PTPRN2: variants seen among roughly 807,000 people sequenced by gnomAD.
PTPRN2 encodes the protein protein tyrosine phosphatase receptor type N2.
PTPRN2 carries 74 observed loss-of-function variants against 118.8 expected under a neutral mutation model. The observed-to-expected ratio is 0.62, with a 90% CI of 0.52 to 0.76. The LOEUF (loss-of-function observed/expected upper bound fraction) is 0.76. Among genes scored for constraint, PTPRN2 ranks in the 30% least tolerant of loss-of-function variants. The pLI is 0.00. For missense variants in PTPRN2, 1,481 were observed against 1,394.4 expected (o/e 1.06, Z -0.99); for synonymous variants, 641 against 608.0 (o/e 1.05, Z -0.80).
At chr7:158,075,832 T>A (rs112057465) in intron 11 of PTPRN2, among the ~76,000 whole-genome samples, 1 of 152,182 alleles carries the variant, frequency 6.6e-6, no homozygotes, top group African/African-American at 2.4e-5. Context: ...CAGCCACAGC[T>A]GGAGCCCAGG....
chr7:157,669,687 C>A, intron 13 of PTPRN2: 1 of 371,310 alleles, frequency 2.7e-6, no homozygotes. Flanking sequence ...AAGATATAGA[C>A]ATGTTTCATG....
At chr7:158,382,869 G>A (rs1485557607) in intron 2 of PTPRN2, among the ~76,000 whole-genome samples, 1 of 152,134 alleles carries the variant, frequency 6.6e-6, no homozygotes, top group Non-Finnish European at 1.5e-5. Context: ...CCCTATCAGT[G>A]GGCTTTAGAG....
intron 3 of PTPRN2, among the ~76,000 whole-genome samples, chr7:158,232,044 C>T (rs904702527): frequency 1.3e-4 from 20 of 152,144 alleles, no homozygotes; most frequent in African/African-American, 4.1e-4. Flanking sequence ...CCTAACCATG[C>T]ACCTCAAGGA....
intron 12 of PTPRN2, among the ~76,000 whole-genome samples, chr7:157,789,471 G>A (rs542312964): frequency 1.4e-4 from 22 of 152,310 alleles, no homozygotes; most frequent in African/African-American, 4.1e-4. Context: ...CAGGAGGCTC[G>A]TGGGAGGCCT....
At chr7:157,613,793 G>C (rs10260609) in intron 15 of PTPRN2, among the ~76,000 whole-genome samples, 4,126 of 152,266 alleles carry the variant, frequency 0.027, 190 homozygotes, top group African/African-American at 0.094. Context: ...CGTAGTCCTC[G>C]AGTCTCGGAG....
At chr7:157,802,751 A>T (rs1393238215) in intron 12 of PTPRN2, among the ~76,000 whole-genome samples, 1 of 152,228 alleles carries the variant, frequency 6.6e-6, no homozygotes, top group African/African-American at 2.4e-5. Flanking sequence ...TTTTGGTCAC[A>T]GCCTCCTGAT....
chr7:158,312,619 G>A (rs1301474383), intron 3 of PTPRN2, among the ~76,000 whole-genome samples: 2 of 150,644 alleles, frequency 1.3e-5, no homozygotes, highest in Admixed American at 6.6e-5. Context: ...AACTCAGGAA[G>A]ACACCAGGAT....
At chr7:158,361,699 G>C (rs1390038365) in intron 2 of PTPRN2, among the ~76,000 whole-genome samples, 1 of 152,254 alleles carries the variant, frequency 6.6e-6, no homozygotes, top group East Asian at 1.9e-4. Context: ...GGACCCTCCT[G>C]GGGGATCCTA....
chr7:157,748,638 C>G (rs1156502212), intron 12 of PTPRN2, among the ~76,000 whole-genome samples: 2 of 147,760 alleles, frequency 1.4e-5, no homozygotes, highest in African/African-American at 5.1e-5. Context: ...GATTCTGATG[C>G]CTGCGTCCCT....
At chr7:158,414,966 G>C (rs1032951391) in intron 2 of PTPRN2, among the ~76,000 whole-genome samples, 1 of 151,762 alleles carries the variant, frequency 6.6e-6, no homozygotes, top group African/African-American at 2.4e-5. Flanking sequence ...AATACAACCA[G>C]CTACTTTCCT....
chr7:158,243,464 G>C (rs1393549563), intron 3 of PTPRN2, among the ~76,000 whole-genome samples: 2 of 152,198 alleles, frequency 1.3e-5, no homozygotes, highest in African/African-American at 4.8e-5. Flanking sequence ...AGATCTGTCT[G>C]GTTTCATGAG....
Position 157,654,637 on chromosome 7 carries a change from G to A in PTPRN2, c.2196+1720C>T, listed in dbSNP as rs553440365. Among the ~76,000 whole-genome samples the A allele has an allele frequency of 6.6e-5, 10 of 152,328 alleles. 1 individual carries two copies. The highest frequency in any genetic ancestry group is 2.2e-4 in the African/African-American group (9 of 41,580). ...TGGAGTCAGGCTTTGCAGGGTTTCCGCCAGGTGGAGGCTGAGTCTGTCCTT... is the reference window on the plus strand; with the variant it reads ...TGGAGTCAGGCTTTGCAGGGTTTCCACCAGGTGGAGGCTGAGTCTGTCCTT... On this transcript the variant is annotated intron_variant, in intron 14 of 22. Coordinates refer to ENST00000389418, the MANE Select transcript of PTPRN2 (RefSeq NM_002847.5).
intron 2 of PTPRN2, among the ~76,000 whole-genome samples, chr7:158,346,554 A>G (rs1047016683): frequency 9.8e-5 from 15 of 152,312 alleles, no homozygotes; most frequent in Admixed American, 9.8e-4. Flanking sequence ...TGTCATGGCC[A>G]TTGTGGACAG....
At chr7:158,252,280 A>C (rs114212441) in intron 3 of PTPRN2, among the ~76,000 whole-genome samples, 1,702 of 152,264 alleles carry the variant, frequency 0.011, 39 homozygotes, top group African/African-American at 0.038. Flanking sequence ...AGCTCCTGCC[A>C]CACCACTCCC....
chr7:157,577,791 A>T (rs1472006261), intron 18 of PTPRN2, among the ~76,000 whole-genome samples: 1 of 152,172 alleles, frequency 6.6e-6, no homozygotes, highest in Non-Finnish European at 1.5e-5. Context: ...CCACACGGGC[A>T]TGCGGCCCTC....
chr7:158,326,142 C>T lies in PTPRN2; in HGVS notation c.164-9210G>A, dbSNP rs768283512. ...CTGGCAGCCAGGGAGGGAGCACAGC[C>T]GCCTCTCATGAAACAATGGCACCCT... On this transcript the variant is annotated intron_variant, in intron 2 of 22. Transcript: ENST00000389418. 5.3e-5 allele frequency among the ~76,000 whole-genome samples: 8 copies of T among 152,352 alleles called. No homozygotes were observed. The East Asian group carries it at 1.4e-3, about 26-fold the overall frequency.
In PTPRN2 at chr7:158,316,901, C is replaced by T. The variant is rs141966065; in HGVS notation, c.195G>A (p.Pro65=). 2.2e-5 allele frequency: 36 copies of T among 1,612,776 alleles called. No homozygotes were observed. The highest frequency in any genetic ancestry group is 1.5e-4 in the African/African-American group (11 of 74,944). Residue 65 remains proline (P), a synonymous_variant, in exon 3 of 23, where the codon CCG becomes CCA. Transcript: ENST00000389418. ...DGVFGRCQKV[P]AMDFYRYEVS... The stretch of plus-strand genomic sequence containing the variant: ...CCTCGTAGCGGTAAAAGTCCATTGC[C>T]GGAACCTTCTGGCACCTTCCAAACA...
Position 157,756,485 on chromosome 7 carries a change from G to A in PTPRN2, c.1789-73548C>T, listed in dbSNP as rs59394061. On this transcript the variant is annotated intron_variant, in intron 12 of 22. Transcript: ENST00000389418. ...TAATTTTTGTATTTTTAATAGAGACGGGTTGCACCATGTTGGCCAGGTTGG... is the reference window on the plus strand; with the variant it reads ...TAATTTTTGTATTTTTAATAGAGACAGGTTGCACCATGTTGGCCAGGTTGG... Among the ~76,000 whole-genome samples the A allele has an allele frequency of 2.0e-4, 31 of 152,066 alleles. No homozygotes were observed. In the East Asian group the frequency reaches 4.1e-3, roughly 20 times the overall value.
At position 157,540,675 on chromosome 7, in the gene PTPRN2, G is replaced by A. The variant is rs371225524; in HGVS notation, c.*39C>T. 8.3e-5 allele frequency: 121 copies of A among 1,463,080 alleles called. No individual in the cohort carries two copies. The African/African-American group carries it at 9.7e-4, about 12-fold the overall frequency. 90.6% of individuals were successfully genotyped at this position (1,463,080 alleles called of 1,614,324 possible). The stretch of plus-strand genomic sequence containing the variant: ...CAGATCATGATTCCTGACAACATCC[G>A]TGGGGTGGGGGCTCCCCTGAGGCCC... On this transcript the variant is annotated 3_prime_UTR_variant, in exon 23 of 23. Transcript: ENST00000389418.
Sources: gnomAD v4.1 joint callset for allele counts (sites outside exome capture counted in the v4.1 genomes callset) on GRCh38, gnomAD v4.1.1 for gene constraint, MANE v1.5 for transcripts, NCBI Gene and HGNC (gene_info 2026-07-23, HGNC 2026-07-21) for gene names.